Variants in KIDINS220 observed in about 807,000 individuals in gnomAD.
KIDINS220 encodes kinase D-interacting substrate of 220 kDa.
Under a neutral mutation model 157.6 loss-of-function variants are expected in KIDINS220, and 63 were observed. The ratio of observed to expected loss-of-function variants is 0.40; its 90% CI spans 0.33 to 0.49. The LOEUF (loss-of-function observed/expected upper bound fraction) is 0.49, where lower values mean the gene tolerates loss of function less well. Among genes scored for constraint, KIDINS220 ranks in the 20% least tolerant of loss-of-function variants. The pLI is 0.66. For missense variants in KIDINS220, 1,772 were observed against 2,171.2 expected (o/e 0.82, Z 3.65); for synonymous variants, 732 against 783.6 (o/e 0.93, Z 1.10).
At chr2:8,753,895 A>T (rs771874877) in intron 22 of KIDINS220, among the ~76,000 whole-genome samples, 3 of 152,172 alleles carry the variant, frequency 2.0e-5, no homozygotes, top group Non-Finnish European at 2.9e-5. Context: ...TTAACTTCAG[A>T]AAGTCCGTTT....
At chr2:8,825,542 A>G (rs1218997277) in intron 2 of KIDINS220, among the ~76,000 whole-genome samples, 1 of 152,102 alleles carries the variant, frequency 6.6e-6, no homozygotes, top group East Asian at 1.9e-4. Flanking sequence ...ATGTCTACAC[A>G]AGATATATAT....
chr2:8,777,561 A>T (rs533732882), intron 20 of KIDINS220, among the ~76,000 whole-genome samples: 1 of 152,294 alleles, frequency 6.6e-6, no homozygotes, highest in South Asian at 2.1e-4. Flanking sequence ...TAATCCTCCC[A>T]AAGTGCTAGG....
intron 1 of KIDINS220, among the ~76,000 whole-genome samples, chr2:8,832,833 G>A (rs1679847458): frequency 6.6e-6 from 1 of 151,918 alleles, no homozygotes; most frequent in Admixed American, 6.6e-5. Flanking sequence ...GACTACCTTG[G>A]TTTGACTCCT....
intron 29 of KIDINS220, among the ~76,000 whole-genome samples, chr2:8,732,368 G>A (rs1664242381): frequency 6.6e-6 from 1 of 152,184 alleles, no homozygotes; most frequent in African/African-American, 2.4e-5. Context: ...GAGCAGCTGG[G>A]ACTATGGGCA....
At chr2:8,824,669 G>A (rs549429440) in intron 2 of KIDINS220, among the ~76,000 whole-genome samples, 1 of 152,246 alleles carries the variant, frequency 6.6e-6, no homozygotes, top group East Asian at 1.9e-4. Flanking sequence ...AATGGAGTGA[G>A]AACCTGTCTA....
At chr2:8,793,531 C>T (rs995043331) in intron 12 of KIDINS220, among the ~76,000 whole-genome samples, 1 of 152,270 alleles carries the variant, frequency 6.6e-6, no homozygotes, top group African/African-American at 2.4e-5. Flanking sequence ...TCTCCATCTC[C>T]CTGGCTCAAG....
In KIDINS220 at chr2:8,776,815, G is replaced by C. The variant is rs2304590; in HGVS notation, c.2781C>G (p.Thr927=). The C allele has an allele frequency of 7.1e-5, 114 of 1,613,800 alleles. No homozygotes were observed. The East Asian group carries it at 2.5e-3, about 36-fold the overall frequency. Residue 927 remains threonine (T), a synonymous_variant, in exon 21 of 30, where the codon ACC becomes ACG. Coordinates refer to ENST00000256707, the MANE Select transcript of KIDINS220 (RefSeq NM_020738.4). ...MSFDLTKLLV[T]EDWFSDISPQ... is the part of the protein sequence containing the mutation. ...GACTGATGTCACTGAACCAGTCCTC[G>C]GTAACCAGCAGTTTTGTAAGATCAA...
At chr2:8,807,169 A>C (rs1675566397) in intron 6 of KIDINS220, among the ~76,000 whole-genome samples, 1 of 152,360 alleles carries the variant, frequency 6.6e-6, no homozygotes, top group South Asian at 2.1e-4. Flanking sequence ...GGCAAAGGTC[A>C]CAAAGCTATC....
intron 26 of KIDINS220, among the ~76,000 whole-genome samples, chr2:8,741,829 A>G (rs1466244575): frequency 6.6e-6 from 1 of 152,212 alleles, no homozygotes; most frequent in African/African-American, 2.4e-5. Flanking sequence ...ATACTTTAAT[A>G]AGAGGCAAAA....
intron 6 of KIDINS220, among the ~76,000 whole-genome samples, chr2:8,810,772 C>T (rs1033518295): frequency 4.0e-5 from 6 of 151,492 alleles, no homozygotes; most frequent in Middle Eastern, 3.4e-3. Flanking sequence ...GGTGACAGAG[C>T]GAGACTCTGT....
At chr2:8,756,082 A>T (rs2148076831) in intron 22 of KIDINS220, among the ~76,000 whole-genome samples, 1 of 152,326 alleles carries the variant, frequency 6.6e-6, no homozygotes, top group South Asian at 2.1e-4. Flanking sequence ...TTGACATCCT[A>T]ATATTTAGTC....
At chr2:8,819,945 A>T (rs1015475575) in intron 2 of KIDINS220, among the ~76,000 whole-genome samples, 11 of 152,228 alleles carry the variant, frequency 7.2e-5, no homozygotes, top group African/African-American at 1.7e-4. Flanking sequence ...ATTAAGTTTA[A>T]TTATGCAAAC....
intron 2 of KIDINS220, among the ~76,000 whole-genome samples, chr2:8,825,430 T>A (rs1678637839): frequency 6.7e-6 from 1 of 150,324 alleles, no homozygotes; most frequent in Non-Finnish European, 1.5e-5. Flanking sequence ...AAATACTTAA[T>A]ACTCCTAAAC....
chr2:8,792,498 C>T (rs1572680200), intron 12 of KIDINS220, among the ~76,000 whole-genome samples: 1 of 152,274 alleles, frequency 6.6e-6, no homozygotes, highest in East Asian at 1.9e-4. Flanking sequence ...TTATCTAAGC[C>T]AAAAGGCTGA....
intron 21 of KIDINS220, among the ~76,000 whole-genome samples, chr2:8,775,753 A>G (rs1490619600): frequency 6.6e-6 from 1 of 152,174 alleles, no homozygotes; most frequent in African/African-American, 2.4e-5. Context: ...TACAGTCAAG[A>G]GCAGCTTTTC....
In KIDINS220 at chr2:8,731,147, T is replaced by C. The variant is rs569904858; in HGVS notation, c.4889A>G (p.His1630Arg). 3 of 1,614,214 alleles carry C rather than the reference T, an allele frequency of 1.9e-6. No homozygotes were observed. The highest frequency in any genetic ancestry group is 1.3e-5 in the African/African-American group (1 of 75,060). Residue 1630 changes from histidine (H) to arginine (R), a missense_variant, in exon 30 of 30, where the codon CAT becomes CGT. Transcript: ENST00000256707. The surrounding 1 kb of genome is among the most constrained non-coding windows in gnomAD (Gnocchi z 5.2). ...TGGATCTTGCAGGCCACTCAGGCTATGTGGGATTCCCCGCTTTCCGCTGTG... is the reference window on the plus strand; with the variant it reads ...TGGATCTTGCAGGCCACTCAGGCTACGTGGGATTCCCCGCTTTCCGCTGTG... ...DSHSGKRGIP[H>R]SLSGLQDPII...
At chr2:8,836,989 C>A (rs1680506320) in intron 1 of KIDINS220, among the ~76,000 whole-genome samples, 1 of 152,046 alleles carries the variant, frequency 6.6e-6, no homozygotes, top group South Asian at 2.1e-4. Context: ...TTTTGCCAGG[C>A]GTTTAAAAGC....
chr2:8,761,910 T>C (rs976334943), intron 22 of KIDINS220, among the ~76,000 whole-genome samples: 21 of 152,336 alleles, frequency 1.4e-4, no homozygotes, highest in Non-Finnish European at 3.1e-4. Flanking sequence ...CTTTAAATAT[T>C]TTGATTTGAA....
chr2:8,804,882 T>C (rs1464137969), intron 7 of KIDINS220, among the ~76,000 whole-genome samples: 3 of 152,140 alleles, frequency 2.0e-5, no homozygotes, highest in Non-Finnish European at 4.4e-5. Context: ...TGACACTACC[T>C]ACCTGGAGGT....
Sources: gnomAD v4.1 joint callset for allele counts (sites outside exome capture counted in the v4.1 genomes callset) on GRCh38, gnomAD v4.1.1 for gene constraint, Gnocchi (gnomAD v3.1) non-coding constraint, MANE v1.5 for transcripts, NCBI Gene and HGNC (gene_info 2026-07-23, HGNC 2026-07-21) for gene names.